LPP: variants seen among roughly 807,000 people sequenced by gnomAD.
LPP encodes LIM domain containing preferred translocation partner in lipoma.
In LPP, 38 loss-of-function variants were observed where a neutral mutation model predicts 60.4. The ratio of observed to expected loss-of-function variants is 0.63; its 90% CI spans 0.49 to 0.83. The LOEUF is 0.83. Ranked by LOEUF, LPP falls within the 40% of genes least tolerant of loss-of-function variation. The pLI is 0.00. For synonymous variants in LPP, 328 were observed against 290.8 expected (o/e 1.13, Z -1.30); for missense variants, 902 against 783.6 (o/e 1.15, Z -1.80).
intron 7 of LPP, among the ~76,000 whole-genome samples, chr3:188,617,990 C>T (rs1845168410): frequency 6.6e-6 from 1 of 152,198 alleles, no homozygotes; most frequent in South Asian, 2.1e-4. Context: ...TTATTCTCTT[C>T]TTCACCAAAC....
At chr3:188,765,562 T>A (rs1001745997) in intron 9 of LPP, among the ~76,000 whole-genome samples, 3 of 152,188 alleles carry the variant, frequency 2.0e-5, no homozygotes, top group Non-Finnish European at 2.9e-5. Context: ...GTGAAATAGA[T>A]CATGGGGAGA....
At chr3:188,538,721 T>C (rs1159071095) in intron 6 of LPP, among the ~76,000 whole-genome samples, 1 of 152,188 alleles carries the variant, frequency 6.6e-6, no homozygotes, top group East Asian at 1.9e-4. Context: ...CACAAAGACC[T>C]GTATAGAGAT....
intron 9 of LPP, among the ~76,000 whole-genome samples, chr3:188,792,386 C>T (rs756722239): frequency 7.9e-5 from 12 of 152,186 alleles, no homozygotes; most frequent in Non-Finnish European, 1.6e-4. Flanking sequence ...AGCTCACTGC[C>T]TCCTCCTCAG....
At chr3:188,399,544 A>G (rs1466115465) in intron 3 of LPP, among the ~76,000 whole-genome samples, 1 of 152,322 alleles carries the variant, frequency 6.6e-6, no homozygotes, top group East Asian at 1.9e-4. Context: ...CTTTTCTAAT[A>G]TCATTCATTT....
chr3:188,266,431 C>G (rs1253024200), intron 2 of LPP, among the ~76,000 whole-genome samples: 2 of 151,512 alleles, frequency 1.3e-5, no homozygotes, highest in South Asian at 4.2e-4. Flanking sequence ...GGATACACAG[C>G]AAACTGCTCA....
chr3:188,380,622 T>C lies in LPP; in HGVS notation c.-9-25490T>C, dbSNP rs1433027103. Among the ~76,000 whole-genome samples the C allele has an allele frequency of 3.3e-5, 5 of 152,248 alleles. No homozygotes were observed. The East Asian group carries it at 9.6e-4, about 29-fold the overall frequency. ...TTTCTGAGCTACTCATGTCACAGAC[T>C]TTTGCAAGAGGAAGGATTTTTGAGA... On this transcript the variant is annotated intron_variant, in intron 3 of 11. Transcript: ENST00000617246.
intron 1 of LPP, among the ~76,000 whole-genome samples, chr3:188,220,110 G>C (rs1715210685): frequency 6.6e-6 from 1 of 152,092 alleles, no homozygotes; most frequent in Non-Finnish European, 1.5e-5. Flanking sequence ...TTGAGCCTGA[G>C]TTTTCCCATC....
chr3:188,753,207 G>A lies in LPP; in HGVS notation c.1241-6906G>A, dbSNP rs80080626. On this transcript the variant is annotated intron_variant, in intron 8 of 11. Transcript: ENST00000617246. The stretch of plus-strand genomic sequence containing the variant: ...TCTTATCTAAAAAGGAGAATAATTG[G>A]TTGGTAGGACTAAATGAAAAAATGT... Among the ~76,000 whole-genome samples the A allele has an allele frequency of 5.9e-3, 893 of 152,264 alleles. 12 individuals are homozygous for A. Among genetic ancestry groups the A allele is most frequent in the African/African-American group, 0.02 (850 of 41,548 alleles).
intron 7 of LPP, among the ~76,000 whole-genome samples, chr3:188,626,854 T>C (rs1164545106): frequency 6.6e-6 from 1 of 152,144 alleles, no homozygotes; most frequent in African/African-American, 2.4e-5. Context: ...AATGAACATT[T>C]ATTTTAAATG....
chr3:188,408,383 G>A (rs1784167184), intron 4 of LPP, among the ~76,000 whole-genome samples: 1 of 152,156 alleles, frequency 6.6e-6, no homozygotes, highest in South Asian at 2.1e-4. Context: ...CCTTTACTGT[G>A]AATTTGACAT....
intron 1 of LPP, among the ~76,000 whole-genome samples, chr3:188,155,048 G>A (rs1239264702): frequency 1.3e-5 from 2 of 152,198 alleles, no homozygotes; most frequent in Non-Finnish European, 2.9e-5. Context: ...AGACTAAGTA[G>A]TGTGGGAAAT....
chr3:188,710,140 T>C (rs1447412743), intron 8 of LPP: 2 of 152,176 alleles, frequency 1.3e-5, no homozygotes, highest in Non-Finnish European at 2.9e-5. Flanking sequence ...TTCATGTCTT[T>C]TTTGCTCCTA....
intron 4 of LPP, among the ~76,000 whole-genome samples, chr3:188,442,956 T>G (rs1186351416): frequency 2.0e-5 from 3 of 152,178 alleles, no homozygotes; most frequent in Non-Finnish European, 4.4e-5. Flanking sequence ...TTGAAAGAGT[T>G]TGTGTGTCTA....
intron 3 of LPP, among the ~76,000 whole-genome samples, chr3:188,394,648 A>G (rs1019646453): frequency 6.6e-6 from 1 of 151,050 alleles, no homozygotes; most frequent in African/African-American, 2.4e-5. Flanking sequence ...TTTATTTTAT[A>G]TTTTTACACA....
intron 3 of LPP, among the ~76,000 whole-genome samples, chr3:188,380,365 A>G (rs1487855502): frequency 6.6e-6 from 1 of 152,250 alleles, no homozygotes; most frequent in East Asian, 1.9e-4. Context: ...TTGTCATATT[A>G]TGAGAAAGAG....
intron 9 of LPP, among the ~76,000 whole-genome samples, chr3:188,804,493 A>T (rs75704933): frequency 0.022 from 3,395 of 151,598 alleles, 129 homozygotes; most frequent in African/African-American, 0.078. Flanking sequence ...GGTTGAAAAA[A>T]TACCTATTGG....
intron 9 of LPP, among the ~76,000 whole-genome samples, chr3:188,865,534 C>T (rs964167362): frequency 3.3e-5 from 5 of 152,144 alleles, no homozygotes; most frequent in African/African-American, 7.2e-5. Context: ...TCTTAGTGAT[C>T]GCACTATGGT....
intron 4 of LPP, among the ~76,000 whole-genome samples, chr3:188,435,420 G>A (rs7431346): frequency 6.6e-6 from 1 of 151,932 alleles, no homozygotes; most frequent in East Asian, 1.9e-4. Flanking sequence ...ATAAGGTGAG[G>A]TTTGATTAAA....
intron 1 of LPP, among the ~76,000 whole-genome samples, chr3:188,193,669 T>C (rs1341497916): frequency 1.3e-5 from 2 of 152,238 alleles, no homozygotes; most frequent in Non-Finnish European, 2.9e-5. Flanking sequence ...TGGACACTAG[T>C]TTTGATGACT....
Sources: gnomAD v4.1 joint callset for allele counts (sites outside exome capture counted in the v4.1 genomes callset) on GRCh38, gnomAD v4.1.1 for gene constraint, MANE v1.5 for transcripts, NCBI Gene and HGNC (gene_info 2026-07-23, HGNC 2026-07-21) for gene names.